Variants in SETBP1 observed in about 807,000 individuals in gnomAD.
SETBP1 encodes SET binding protein 1, also known as SET-binding protein.
A neutral mutation model predicts 101.0 loss-of-function variants in SETBP1; 9 were observed. The observed-to-expected ratio is 0.09, with a 90% CI of 0.05 to 0.16. The LOEUF is 0.16. SETBP1 is among the 10% of genes least tolerant of loss of function. The probability of loss-of-function intolerance (pLI) is 1.00; values close to 1 mark genes in which losing one functional copy is unlikely to be tolerated. For synonymous variants in SETBP1, 818 were observed against 788.5 expected (o/e 1.04, Z -0.63); for missense variants, 1,858 against 2,033.8 (o/e 0.91, Z 1.66).
intron 4 of SETBP1, among the ~76,000 whole-genome samples, chr18:45,023,400 C>G (rs781512420): frequency 6.6e-6 from 1 of 152,060 alleles, no homozygotes; most frequent in African/African-American, 2.4e-5. Flanking sequence ...ACTGGATATT[C>G]GGCTACCCAA....
chr18:44,838,177 C>T (rs2072536711), intron 2 of SETBP1, among the ~76,000 whole-genome samples: 8 of 152,204 alleles, frequency 5.3e-5, no homozygotes, highest in Admixed American at 3.9e-4. Context: ...TTGTGAGCCA[C>T]ATTTAACACC....
chr18:45,054,743 G>C (rs2073780656), intron 5 of SETBP1, among the ~76,000 whole-genome samples: 1 of 152,124 alleles, frequency 6.6e-6, no homozygotes, highest in Admixed American at 6.5e-5. Flanking sequence ...ACTCAGCTTA[G>C]ATTATCTCTG....
intron 3 of SETBP1, among the ~76,000 whole-genome samples, chr18:44,906,044 A>T (rs943850696): frequency 3.9e-5 from 6 of 152,198 alleles, no homozygotes; most frequent in Admixed American, 3.9e-4. Flanking sequence ...GCCCAGCAGC[A>T]GTTCTGATTA....
chr18:44,732,134 G>T (rs530422976), intron 2 of SETBP1, among the ~76,000 whole-genome samples: 2 of 152,306 alleles, frequency 1.3e-5, no homozygotes, highest in African/African-American at 4.8e-5. Flanking sequence ...CTCTTTGCAT[G>T]AAGGATTTAA....
At chr18:44,945,593 G>A (rs1346511381) in intron 3 of SETBP1, among the ~76,000 whole-genome samples, 1 of 152,128 alleles carries the variant, frequency 6.6e-6, no homozygotes, top group African/African-American at 2.4e-5. Flanking sequence ...AGGCAGCCAG[G>A]CAGCCATGAA....
At chr18:44,889,904 T>G (rs760410269) in intron 3 of SETBP1, among the ~76,000 whole-genome samples, 1 of 152,170 alleles carries the variant, frequency 6.6e-6, no homozygotes, top group Non-Finnish European at 1.5e-5. Context: ...TTTCCCAACA[T>G]TTAATGAAGG....
intron 2 of SETBP1, among the ~76,000 whole-genome samples, chr18:44,790,704 A>G (rs1168529775): frequency 6.6e-6 from 1 of 152,184 alleles, no homozygotes; most frequent in Non-Finnish European, 1.5e-5. Context: ...TCTGACCCCC[A>G]GAGATTCTGT....
At chr18:44,907,337 A>C (rs1805880665) in intron 3 of SETBP1, among the ~76,000 whole-genome samples, 1 of 152,208 alleles carries the variant, frequency 6.6e-6, no homozygotes, top group African/African-American at 2.4e-5. Flanking sequence ...TTTTTGCATG[A>C]ACATATGTTT....
chr18:44,764,555 C>T (rs913813498), intron 2 of SETBP1, among the ~76,000 whole-genome samples: 2 of 152,132 alleles, frequency 1.3e-5, no homozygotes, highest in African/African-American at 4.8e-5. Flanking sequence ...TCATTGCAAG[C>T]TCCGCCTCCT....
chr18:45,037,733 A>T (rs2073425650), intron 4 of SETBP1, among the ~76,000 whole-genome samples: 1 of 152,128 alleles, frequency 6.6e-6, no homozygotes, highest in South Asian at 2.1e-4. Flanking sequence ...GCTTTTCAGC[A>T]TCATCATGAC....
At chr18:44,681,656 A>G (rs573752561) in intron 1 of SETBP1, among the ~76,000 whole-genome samples, 2 of 151,060 alleles carry the variant, frequency 1.3e-5, no homozygotes, top group East Asian at 2.0e-4. Flanking sequence ...GAAATAGATG[A>G]GGCTAGAGGT....
intron 3 of SETBP1, among the ~76,000 whole-genome samples, chr18:44,898,363 G>A (rs1397354105): frequency 6.6e-6 from 1 of 152,076 alleles, no homozygotes; most frequent in Non-Finnish European, 1.5e-5. Flanking sequence ...AGAATCACTT[G>A]GGAAAATTTA....
intron 3 of SETBP1, among the ~76,000 whole-genome samples, chr18:44,875,893 C>T (rs941460028): frequency 5.9e-5 from 9 of 152,304 alleles, no homozygotes; most frequent in South Asian, 2.1e-4. Flanking sequence ...ACTTATGCTA[C>T]GCCATCTTGA....
At chr18:44,903,855 G>A (rs1375019785) in intron 3 of SETBP1, among the ~76,000 whole-genome samples, 1 of 152,146 alleles carries the variant, frequency 6.6e-6, no homozygotes, top group Admixed American at 6.5e-5. Context: ...TCCTTTCTGG[G>A]AACTCTTTGA....
intron 3 of SETBP1, among the ~76,000 whole-genome samples, chr18:44,920,649 G>A (rs1021729332): frequency 6.6e-6 from 1 of 152,162 alleles, no homozygotes; most frequent in Non-Finnish European, 1.5e-5. Context: ...AAGGGTGGCT[G>A]TCAGTCATCA....
chr18:44,967,750 G>C (rs2071751983), intron 4 of SETBP1, among the ~76,000 whole-genome samples: 1 of 152,264 alleles, frequency 6.6e-6, no homozygotes, highest in African/African-American at 2.4e-5. Flanking sequence ...GGCCCGTCCA[G>C]CAACAGAGTC....
At chr18:45,055,898 A>G (rs1428376501) in intron 5 of SETBP1, among the ~76,000 whole-genome samples, 1 of 152,222 alleles carries the variant, frequency 6.6e-6, no homozygotes, top group East Asian at 1.9e-4. Flanking sequence ...CAGCAACAAA[A>G]TTGCCAAATG....
rs775284488 is a variant in SETBP1, at chr18:44,861,229, C to CTTT, written c.487-7976_487-7974dup. On this transcript the variant is annotated intron_variant, in intron 2 of 5. Transcript: ENST00000649279. ...GTCTTGTGGATTTCCTTTTTCTTTTCTTTTTTTTTTTTTTTTTTTTTTTTT... is the reference window on the plus strand; with the variant it reads ...GTCTTGTGGATTTCCTTTTTCTTTTCTTTTTTTTTTTTTTTTTTTTTTTTTTTT... 2.3e-3 allele frequency among the ~76,000 whole-genome samples: 201 copies of CTTT among 88,314 alleles called. 7 individuals are homozygous for CTTT. The highest frequency in any genetic ancestry group is 6.3e-3 in the African/African-American group (144 of 22,808). The allele number at this position is 88,314 out of a possible 152,430, so 57.9% of individuals were successfully genotyped here. A position where few individuals can be genotyped will look rare whatever the true frequency, so the allele number is the denominator to read the frequency against.
intron 3 of SETBP1, among the ~76,000 whole-genome samples, chr18:44,920,847 C>A (rs1488174190): frequency 1.3e-5 from 2 of 152,064 alleles, no homozygotes; most frequent in Non-Finnish European, 2.9e-5. Flanking sequence ...CTACTGGCAT[C>A]GGCATAGTCA....
Sources: gnomAD v4.1 joint callset for allele counts (sites outside exome capture counted in the v4.1 genomes callset) on GRCh38, gnomAD v4.1.1 for gene constraint, MANE v1.5 for transcripts, NCBI Gene and HGNC (gene_info 2026-07-23, HGNC 2026-07-21) for gene names.